The following ASH1L variants were observed in gnomAD, a reference collection of about 807,000 sequenced individuals.
ASH1L encodes ASH1 like histone lysine methyltransferase, also known as histone-lysine N-methyltransferase ASH1L.
In ASH1L, 23 loss-of-function variants were observed where a neutral mutation model predicts 269.0. That is an observed-to-expected ratio of 0.09 (90% CI 0.06 to 0.12). The LOEUF (loss-of-function observed/expected upper bound fraction) is 0.12. ASH1L is among the 10% of genes least tolerant of loss of function. The probability of loss-of-function intolerance (pLI) is 1.00; values close to 1 mark genes in which losing one functional copy is unlikely to be tolerated. For synonymous variants in ASH1L, 1,187 were observed against 1,253.5 expected (o/e 0.95, Z 1.12); for missense variants, 2,912 against 3,567.8 (o/e 0.82, Z 4.68).
rs886549573 is a variant in ASH1L, at chr1:155,562,668, C to A, written c.-615G>T. ...CCCACCAACCACCACCTTCGGCCGC[C>A]CCGCGCGCCAGCCAGCCCGTACGCG... On this transcript the variant is annotated 5_prime_UTR_variant, in exon 1 of 28. Transcript: ENST00000392403. The A allele has an allele frequency of 8.9e-5, 136 of 1,523,802 alleles. No homozygotes were observed. Among genetic ancestry groups the A allele is most frequent in the Non-Finnish European group, 1.0e-4 (119 of 1,139,002 alleles). The allele number at this position is 1,523,802 out of a possible 1,614,324, so 94.4% of individuals were successfully genotyped here.
intron 1 of ASH1L, among the ~76,000 whole-genome samples, chr1:155,544,134 C>T (rs201469197): frequency 1.3e-5 from 2 of 151,904 alleles, no homozygotes; most frequent in East Asian, 3.9e-4. Context: ...AAACTCCTGG[C>T]CTCAAGCAAT....
At chr1:155,523,054 G>A (rs765188214) in intron 1 of ASH1L, among the ~76,000 whole-genome samples, 19 of 152,182 alleles carry the variant, frequency 1.2e-4, no homozygotes, top group Non-Finnish European at 2.4e-4. Flanking sequence ...AAGACTGACA[G>A]ACTAGTCTTC....
rs569190287 is a variant in ASH1L at position 155,481,349 on chromosome 1, T to G, written c.1521A>C (p.Ser507=). ...TTTCATAAGATCCCTTTTCACTGGATGAGAAACTGTCTTGCTGAATGCATG... is the reference window on the plus strand; with the variant it reads ...TTTCATAAGATCCCTTTTCACTGGAGGAGAAACTGTCTTGCTGAATGCATG... The part of the protein sequence containing the change: ...EGTCIQQDSF[S]SSEKGSYETS... Residue 507 remains serine (S), a synonymous_variant, in exon 3 of 28, where the codon TCA becomes TCC. Transcript: ENST00000392403. 1.3e-4 allele frequency: 217 copies of G among 1,614,066 alleles called. 2 individuals are homozygous for G. In the South Asian group the frequency reaches 2.3e-3, roughly 17 times the overall value.
chr1:155,530,563 TA>T (rs55994662), intron 1 of ASH1L, among the ~76,000 whole-genome samples: 146 of 140,780 alleles, frequency 1.0e-3, no homozygotes, highest in East Asian at 1.3e-3. Context: ...CCGTCTCTAC[TA>T]AAAAAAAAAA....
intron 3 of ASH1L, among the ~76,000 whole-genome samples, chr1:155,475,179 C>T (rs1665441848): frequency 6.6e-6 from 1 of 151,932 alleles, no homozygotes; most frequent in East Asian, 1.9e-4. Flanking sequence ...GAGATACAGT[C>T]TCACTCTGTT....
chr1:155,417,121 G>A (rs1236148619), intron 5 of ASH1L, among the ~76,000 whole-genome samples: 1 of 151,470 alleles, frequency 6.6e-6, no homozygotes, highest in Admixed American at 6.6e-5. Flanking sequence ...TTTTAGTACA[G>A]ACAGGGTTTC....
intron 15 of ASH1L, among the ~76,000 whole-genome samples, chr1:155,356,634 C>T (rs1275937778): frequency 2.7e-5 from 4 of 147,968 alleles, no homozygotes; most frequent in Non-Finnish European, 4.5e-5. Flanking sequence ...CACAGCGAGA[C>T]TCCGTCTCAA....
Position 155,354,568 on chromosome 1 carries a change from T to C in ASH1L, c.7118A>G (p.Gln2373Arg). 1 of 1,614,108 alleles carries C rather than the reference T, an allele frequency of 6.2e-7. No homozygotes were observed. Among genetic ancestry groups the C allele is most frequent in the South Asian group, 1.1e-5 (1 of 91,048 alleles). ...VRNWEKIRQK[Q>R]EEVKHTSDNI... ...ATCACTGGTGTGCTTTACTTCCTCC[T>C]GTTTTTGACGAATCTTCTCCCAGTT... The change falls in exon 16 of 28, where the codon CAG becomes CGG. Residue 2373 changes from glutamine to arginine, a missense_variant. This residue lies in a region of ASH1L where 309 missense variants were observed against 435.1 expected (regional missense o/e 0.71). Transcript: ENST00000392403.
chr1:155,514,958 G>A (rs1190429795), intron 2 of ASH1L, among the ~76,000 whole-genome samples: 5 of 151,952 alleles, frequency 3.3e-5, no homozygotes, highest in Non-Finnish European at 7.4e-5. Context: ...TATCACAACC[G>A]GCAACAACCA....
chr1:155,422,303 ATTTTTTT>A (rs757564991), intron 5 of ASH1L, among the ~76,000 whole-genome samples: 21,296 of 120,808 alleles, frequency 0.18, 2,005 homozygotes, highest in Admixed American at 0.29. Context: ...CGCCCAGCTA[ATTTTTTT>A]TTTTTTTTTT....
At chr1:155,450,369 A>G (rs1663373119) in intron 4 of ASH1L, among the ~76,000 whole-genome samples, 1 of 152,190 alleles carries the variant, frequency 6.6e-6, no homozygotes. Flanking sequence ...AATATTAAAC[A>G]TTATTTCTTC....
intron 5 of ASH1L, among the ~76,000 whole-genome samples, chr1:155,418,736 C>T (rs139668650): frequency 4.6e-5 from 7 of 152,152 alleles, no homozygotes; most frequent in East Asian, 1.9e-4. Flanking sequence ...TCCAGTATAT[C>T]GTAATAAACT....
At chr1:155,433,051 C>T (rs1571200708) in intron 5 of ASH1L, 1 of 1,056,994 alleles carries the variant, frequency 9.5e-7, no homozygotes, top group Non-Finnish European at 1.3e-6. Flanking sequence ...AAATCATCCT[C>T]CTTGTCAGTG....
intron 2 of ASH1L, among the ~76,000 whole-genome samples, chr1:155,492,915 C>A (rs957885342): frequency 2.0e-5 from 3 of 152,026 alleles, no homozygotes; most frequent in African/African-American, 4.8e-5. Context: ...TTTTGCCCCC[C>A]CAAGCTCTAG....
chr1:155,479,887 T>G lies in ASH1L; in HGVS notation c.2983A>C (p.Lys995Gln), dbSNP rs751757324. 1 of 1,613,238 alleles carries G rather than the reference T, an allele frequency of 6.2e-7. No individual in the cohort carries two copies. Among genetic ancestry groups the G allele is most frequent in the South Asian group, 1.1e-5 (1 of 90,924 alleles). Residue 995 changes from lysine (K) to glutamine (Q), a missense_variant, in exon 3 of 28, where the codon AAG becomes CAG. This residue lies in a region of ASH1L where 715 missense variants were observed against 721.0 expected (regional missense o/e 0.99). Coordinates refer to ENST00000392403, the MANE Select transcript of ASH1L (RefSeq NM_018489.3). Reference sequence around the variant, plus strand: ...GAAAGAATCTGATTCAACAGTTTCTTTCTCTTTAAAGTCTTCATTTTATTT... The same window carrying G: ...GAAAGAATCTGATTCAACAGTTTCTGTCTCTTTAAAGTCTTCATTTTATTT... ...KINKMKTLKR[K>Q]KLLNQILSSS...
intron 5 of ASH1L, among the ~76,000 whole-genome samples, chr1:155,422,150 T>G (rs933838202): frequency 7.2e-5 from 11 of 152,270 alleles, no homozygotes; most frequent in African/African-American, 2.6e-4. Context: ...ACTTTTATTC[T>G]TTTTTGAGTC....
At chr1:155,416,704 T>C (rs1660238166) in intron 5 of ASH1L, among the ~76,000 whole-genome samples, 1 of 151,260 alleles carries the variant, frequency 6.6e-6, no homozygotes, top group South Asian at 2.1e-4. Flanking sequence ...TCTGGATAAT[T>C]TTTGTATTTT....
At chr1:155,425,716 G>A (rs924610582) in intron 5 of ASH1L, among the ~76,000 whole-genome samples, 3 of 151,998 alleles carry the variant, frequency 2.0e-5, no homozygotes, top group Non-Finnish European at 4.4e-5. Context: ...TTACAGGCGT[G>A]AGCCACCACA....
chr1:155,353,338 G>C (rs1654091125), intron 16 of ASH1L, among the ~76,000 whole-genome samples: 1 of 152,158 alleles, frequency 6.6e-6, no homozygotes, highest in African/African-American at 2.4e-5. Flanking sequence ...GTTATTATTA[G>C]AAGAAGTAAA....
Sources: allele counts gnomAD v4.1 joint callset (sites outside exome capture counted in the v4.1 genomes callset), GRCh38; gene constraint gnomAD v4.1.1; regional missense constraint gnomAD v4.1.1; transcripts MANE v1.5; gene names NCBI Gene and HGNC (gene_info 2026-07-23, HGNC 2026-07-21).